Variants in FAM169A observed in about 807,000 individuals in gnomAD.
The protein encoded by FAM169A is soluble lamin-associated protein of 75 kDa.
FAM169A carries 24 observed loss-of-function variants against 75.7 expected under a neutral mutation model. The ratio of observed to expected loss-of-function variants is 0.32; its 90% confidence interval spans 0.23 to 0.45. The LOEUF is 0.45. FAM169A is among the 20% of genes least tolerant of loss of function. FAM169A has a pLI of 1.00. For missense variants in FAM169A, 673 were observed against 784.0 expected (o/e 0.86, Z 1.69); for synonymous variants, 271 against 271.0 (o/e 1.00, Z 0.00).
intron 1 of FAM169A, among the ~76,000 whole-genome samples, chr5:74,847,443 G>T (rs541960402): frequency 6.6e-6 from 1 of 152,018 alleles, no homozygotes; most frequent in Non-Finnish European, 1.5e-5. Context: ...GTTCATCCAC[G>T]TTGTAGCATG....
chr5:74,805,172 T>C lies in FAM169A; in HGVS notation c.783A>G (p.Glu261=), dbSNP rs1746799388. The change falls in exon 7 of 13, where the codon GAA becomes GAG. Residue 261 remains glutamate, a synonymous_variant. Transcript: ENST00000687041. ...RIPVTRALQR[E]ALKILALSQN... is the part of the protein sequence containing the mutation. The stretch of plus-strand genomic sequence containing the variant: ...CACTCTTACCTAGAATTTTAAGTGC[T>C]TCTCTTTGTAATGCTCTGGTGACTG... 6.2e-7 allele frequency: 1 copy of C among 1,613,818 alleles called. No homozygotes were observed. Among genetic ancestry groups the C allele is most frequent in the African/African-American group, 1.3e-5 (1 of 74,932 alleles).
At chr5:74,824,959 C>G (rs1204484045) in intron 5 of FAM169A, among the ~76,000 whole-genome samples, 1 of 152,054 alleles carries the variant, frequency 6.6e-6, no homozygotes, top group Non-Finnish European at 1.5e-5. Flanking sequence ...AACACACTTC[C>G]CATACAAAAA....
intron 1 of FAM169A, among the ~76,000 whole-genome samples, chr5:74,856,111 T>C (rs1455972382): frequency 6.6e-6 from 1 of 152,236 alleles, no homozygotes; most frequent in African/African-American, 2.4e-5. Flanking sequence ...GATTTATTTC[T>C]GGGTTCTCTA....
chr5:74,856,048 C>G (rs1442358698), intron 1 of FAM169A, among the ~76,000 whole-genome samples: 2 of 152,182 alleles, frequency 1.3e-5, no homozygotes, highest in Non-Finnish European at 2.9e-5. Context: ...TTTCCTTTCC[C>G]CAGTGTATGT....
intron 6 of FAM169A, among the ~76,000 whole-genome samples, chr5:74,806,351 T>C (rs939221409): frequency 3.3e-5 from 5 of 152,096 alleles, no homozygotes; most frequent in Admixed American, 6.5e-5. Flanking sequence ...AAAATCCATA[T>C]AAAAAAGCAA....
intron 5 of FAM169A, among the ~76,000 whole-genome samples, chr5:74,829,617 AACTG>A (rs985511334): frequency 2.3e-4 from 35 of 152,178 alleles, no homozygotes; most frequent in African/African-American, 8.2e-4. Context: ...ATGATTGCGC[AACTG>A]CACTCCAGCC....
At chr5:74,827,783 C>CTCCTGAGTAGCTGGAATT (rs749131185) in intron 5 of FAM169A, among the ~76,000 whole-genome samples, 45 of 151,968 alleles carry the variant, frequency 3.0e-4, no homozygotes, top group Non-Finnish European at 5.0e-4. Flanking sequence ...CCACCTCAGC[C>CTCCTGAGTAGCTGGAATT]TCCTGAGTAG....
rs1261272335 is a variant in FAM169A at position 74,781,387 on chromosome 5, T to TA, written c.*72dup. On this transcript the variant is annotated 3_prime_UTR_variant, in exon 13 of 13. Coordinates refer to ENST00000687041, the MANE Select transcript of FAM169A (RefSeq NM_001376049.1). ...TTTTTGTCCTGTGCCCCATGCTGTT[T>TA]ATTAATTACCATATTTTAAAAACAA... 1.4e-6 allele frequency: 2 copies of TA among 1,444,660 alleles called. No homozygotes were observed. The highest frequency in any genetic ancestry group is 2.8e-5 in the African/African-American group (2 of 70,486). The allele number at this position is 1,444,660 out of a possible 1,614,324, so 89.5% of individuals were successfully genotyped here. A position where few individuals can be genotyped will look rare whatever the true frequency, so the allele number is the denominator to read the frequency against.
intron 1 of FAM169A, among the ~76,000 whole-genome samples, chr5:74,860,182 C>G (rs1005304011): frequency 2.0e-5 from 3 of 152,178 alleles, no homozygotes; most frequent in Non-Finnish European, 4.4e-5. Flanking sequence ...TGGGCTTAAA[C>G]TGTAGATCTG....
chr5:74,799,531 C>A, intron 10 of FAM169A: 24 of 1,556,922 alleles, frequency 1.5e-5, no homozygotes, highest in Non-Finnish European at 2.0e-5. Flanking sequence ...GGATGAAAAG[C>A]TGGCCAGCAT....
chr5:74,789,202 A>G (rs1169379899), intron 11 of FAM169A, among the ~76,000 whole-genome samples: 1 of 152,206 alleles, frequency 6.6e-6, no homozygotes, highest in African/African-American at 2.4e-5. Context: ...TGATGACATT[A>G]TGCTGATTGG....
At chr5:74,817,452 C>CA (rs768538771) in intron 5 of FAM169A, among the ~76,000 whole-genome samples, 23 of 151,292 alleles carry the variant, frequency 1.5e-4, no homozygotes, top group African/African-American at 5.3e-4. Context: ...ATAATAGCAT[C>CA]AAAAAAAATA....
intron 1 of FAM169A, among the ~76,000 whole-genome samples, chr5:74,852,808 C>T (rs1749511008): frequency 6.6e-6 from 1 of 152,078 alleles, no homozygotes. Context: ...AGCAGCAGGC[C>T]ATTAAGGGAC....
intron 11 of FAM169A, among the ~76,000 whole-genome samples, chr5:74,795,028 C>T (rs1016944384): frequency 1.3e-5 from 2 of 152,000 alleles, no homozygotes; most frequent in African/African-American, 4.8e-5. Flanking sequence ...GAGGCTGAGG[C>T]GGGCACATCA....
intron 1 of FAM169A, among the ~76,000 whole-genome samples, chr5:74,847,327 T>C (rs941229276): frequency 6.6e-6 from 1 of 151,998 alleles, no homozygotes; most frequent in Non-Finnish European, 1.5e-5. Flanking sequence ...ACCTCTATTT[T>C]ACTTCCTGTC....
rs375708105 is a variant in FAM169A at position 74,855,573 on chromosome 5, G to C, written c.-4+10592C>G. 5.3e-5 allele frequency among the ~76,000 whole-genome samples: 8 copies of C among 152,204 alleles called. No individual in the cohort carries two copies. In the East Asian group the frequency reaches 1.4e-3, roughly 26 times the overall value. ...CTTTTCATATACCAGTTTGCCGTTT[G>C]TATGTCTTTTTTTAGGAAATATCTA... On this transcript the variant is annotated intron_variant, in intron 1 of 12. Coordinates refer to ENST00000687041, the MANE Select transcript of FAM169A (RefSeq NM_001376049.1).
chr5:74,854,628 G>A (rs1227873472), intron 1 of FAM169A, among the ~76,000 whole-genome samples: 1 of 152,030 alleles, frequency 6.6e-6, no homozygotes, highest in Non-Finnish European at 1.5e-5. Flanking sequence ...CCAGCCTCTG[G>A]TGACCATCAC....
At chr5:74,794,133 G>C (rs1182083650) in intron 11 of FAM169A, among the ~76,000 whole-genome samples, 1 of 150,238 alleles carries the variant, frequency 6.7e-6, no homozygotes, top group Non-Finnish European at 1.5e-5. Flanking sequence ...AGGAGTTCAA[G>C]ACCAGCCTGG....
At chr5:74,803,246 G>A (rs896966777) in intron 8 of FAM169A, among the ~76,000 whole-genome samples, 4 of 152,000 alleles carry the variant, frequency 2.6e-5, no homozygotes, top group Non-Finnish European at 5.9e-5. Context: ...AGGAAGAGTA[G>A]ATTTTCTACT....
Sources: gnomAD v4.1 joint callset for allele counts (sites outside exome capture counted in the v4.1 genomes callset) on GRCh38, gnomAD v4.1.1 for gene constraint, MANE v1.5 for transcripts, NCBI Gene and HGNC (gene_info 2026-07-23, HGNC 2026-07-21) for gene names.